EEF1AKMT3: variants seen among roughly 807,000 people sequenced by gnomAD.
EEF1AKMT3 encodes EEF1A lysine methyltransferase 3, also known as eEF1A-KMT3.
A neutral mutation model predicts 17.8 loss-of-function variants in EEF1AKMT3; 17 were observed. That is an observed-to-expected ratio of 0.96 (90% CI 0.65 to 1.43). EEF1AKMT3 has a LOEUF of 1.43. Among genes scored for constraint, EEF1AKMT3 ranks in the 40% most tolerant of loss-of-function variants. The pLI is 0.00. For synonymous variants in EEF1AKMT3, 116 were observed against 126.5 expected, an observed-to-expected ratio of 0.92 and a Z score of 0.56; for missense variants, 244 against 285.8, an observed-to-expected ratio of 0.85 and a Z score of 1.06.
Position 57,780,500 on chromosome 12 carries a change from G to C in EEF1AKMT3, c.535G>C (p.Ala179Pro). ...CAGGCCCCATGGCACCATCTATCTG[G>C]CCTCCAAGATGAGAAAGGAGCATGG... ...LCRPHGTIYLASKMRKEHGTE... is the reference protein window; with the variant it reads ...LCRPHGTIYLPSKMRKEHGTE... The change falls in exon 3 of 3, where the codon GCC becomes CCC. Residue 179 changes from alanine to proline, a missense_variant. Physicochemically the swap from Ala to Pro is conservative, Grantham distance 27. Coordinates refer to ENST00000300209, the MANE Select transcript of EEF1AKMT3 (RefSeq NM_015433.3). The C allele has an allele frequency of 6.2e-7, 1 of 1,614,152 alleles. No individual in the cohort carries two copies. Among genetic ancestry groups the C allele is most frequent in the Non-Finnish European group, 8.5e-7 (1 of 1,180,026 alleles).
At position 57,780,406 on chromosome 12, in the gene EEF1AKMT3, G is replaced by A; in HGVS notation, c.441G>A (p.Val147=). 1 of 1,614,210 alleles carries A rather than the reference G, an allele frequency of 6.2e-7. No individual in the cohort carries two copies. The highest frequency in any genetic ancestry group is 1.1e-5 in the South Asian group (1 of 91,084). The change falls in exon 3 of 3, where the codon GTG becomes GTA. Residue 147 remains valine, a synonymous_variant. Coordinates refer to ENST00000300209, the MANE Select transcript of EEF1AKMT3 (RefSeq NM_015433.3). ...HHVFPANYDL[V]LGADIVYLEP... is the part of the protein sequence containing the mutation. ...TCTTCCCTGCAAACTATGACCTGGT[G>A]CTGGGGGCTGATATCGTGTACCTGG...
rs951644877 is a variant in EEF1AKMT3 at position 57,781,309 on chromosome 12, C to T, written c.*663C>T. On this transcript the variant is annotated 3_prime_UTR_variant, in exon 3 of 3. Transcript: ENST00000300209. Reference sequence around the variant, plus strand: ...TCCTGGGCTCAAGTGATCCACCCGCCTTGCCTCCCAAAGTGCTGGGATTGC... The same window carrying T: ...TCCTGGGCTCAAGTGATCCACCCGCTTTGCCTCCCAAAGTGCTGGGATTGC... 6.6e-6 allele frequency: 1 copy of T among 152,200 alleles called. No individual in the cohort carries two copies. The highest frequency in any genetic ancestry group is 1.9e-4 in the East Asian group (1 of 5,192). The allele number at this position is 152,200 out of a possible 1,614,324, so 9.4% of individuals were successfully genotyped here. A position where few individuals can be genotyped will look rare whatever the true frequency, so the allele number is the denominator to read the frequency against.
intron 2 of EEF1AKMT3, among the ~76,000 whole-genome samples, chr12:57,773,402 A>G (rs1955458307): frequency 6.9e-6 from 1 of 145,006 alleles, no homozygotes; most frequent in African/African-American, 2.5e-5. Context: ...AGTTGTTTCT[A>G]TCGTGTTGCT....
In EEF1AKMT3 at chr12:57,780,740, A is replaced by C; in HGVS notation, c.*94A>C. 3 of 1,502,602 alleles carry C rather than the reference A, an allele frequency of 2.0e-6. No homozygotes were observed. The highest frequency in any genetic ancestry group is 2.7e-6 in the Non-Finnish European group (3 of 1,116,692). The allele number at this position is 1,502,602 out of a possible 1,614,324, so 93.1% of individuals were successfully genotyped here. ...TCCAGAGCCACAAACATGAGGACCA[A>C]AAAGGATGGATTTCCCTGGCCTCTC... On this transcript the variant is annotated 3_prime_UTR_variant, in exon 3 of 3. Transcript: ENST00000300209.
intron 2 of EEF1AKMT3, among the ~76,000 whole-genome samples, chr12:57,778,019 C>CA (rs35823549): frequency 0.15 from 12,747 of 85,140 alleles, 900 homozygotes; most frequent in Middle Eastern, 0.3. Flanking sequence ...GACTCCATCT[C>CA]AAAAAAAAAA....
intron 2 of EEF1AKMT3, among the ~76,000 whole-genome samples, chr12:57,776,123 G>A (rs1407930969): frequency 6.6e-6 from 1 of 152,090 alleles, no homozygotes; most frequent in Non-Finnish European, 1.5e-5. Flanking sequence ...AAATCTTTCA[G>A]TGGCCTCTTG....
chr12:57,774,763 G>C, intron 2 of EEF1AKMT3: 1 of 1,607,788 alleles, frequency 6.2e-7, no homozygotes, highest in Non-Finnish European at 8.5e-7. Flanking sequence ...GGGAAGCTCT[G>C]TCAGGTGAGG....
chr12:57,779,443 A>AT (rs1955498688), intron 2 of EEF1AKMT3, among the ~76,000 whole-genome samples: 1 of 152,162 alleles, frequency 6.6e-6, no homozygotes, highest in African/African-American at 2.4e-5. Context: ...CACATAATAA[A>AT]TATGAATGAA....
At chr12:57,776,557 T>C (rs1380977657) in intron 2 of EEF1AKMT3, among the ~76,000 whole-genome samples, 1 of 152,222 alleles carries the variant, frequency 6.6e-6, no homozygotes, top group Non-Finnish European at 1.5e-5. Flanking sequence ...TGAACAACTG[T>C]TTCTTACCTT....
intron 2 of EEF1AKMT3, among the ~76,000 whole-genome samples, chr12:57,778,583 A>T (rs1955494584): frequency 6.6e-6 from 1 of 152,190 alleles, no homozygotes; most frequent in Admixed American, 6.5e-5. Flanking sequence ...AAGGGATTAC[A>T]GGCGTGAGCC....
At position 57,782,031 on chromosome 12, in the gene EEF1AKMT3, C is replaced by G. The variant is rs1389979313; in HGVS notation, c.*1385C>G. 2.0e-5 allele frequency: 3 copies of G among 152,218 alleles called. No homozygotes were observed. The highest frequency in any genetic ancestry group is 7.2e-5 in the African/African-American group (3 of 41,458). 9.4% of individuals were successfully genotyped at this position (152,218 alleles called of 1,614,324 possible). ...GTGTATTGGACCTCTGGCCAAATTA[C>G]AAAAGATGTACTCTTTGTTCTCTAA... On this transcript the variant is annotated 3_prime_UTR_variant, in exon 3 of 3. Coordinates refer to ENST00000300209, the MANE Select transcript of EEF1AKMT3 (RefSeq NM_015433.3).
At chr12:57,775,994 A>G (rs1268494309) in intron 2 of EEF1AKMT3, among the ~76,000 whole-genome samples, 1 of 152,190 alleles carries the variant, frequency 6.6e-6, no homozygotes, top group African/African-American at 2.4e-5. Flanking sequence ...CTGGACTACT[A>G]CAACAGCCAC....
Position 57,772,826 on chromosome 12 carries a change from T to C in EEF1AKMT3, c.102T>C (p.Cys34=), listed in dbSNP as rs531988202. The C allele has an allele frequency of 7.2e-5, 116 of 1,614,176 alleles. No homozygotes were observed. The South Asian group carries it at 1.0e-3, about 14-fold the overall frequency. The change falls in exon 1 of 3, where the codon TGT becomes TGC. Residue 34 remains cysteine, a synonymous_variant. Coordinates refer to ENST00000300209, the MANE Select transcript of EEF1AKMT3 (RefSeq NM_015433.3). The surrounding 1 kb of genome is among the most constrained non-coding windows in gnomAD (Gnocchi z 4.1). ...ADSYSEKSQF[C]FCGHVLTITQ... ...CTTACTCGGAGAAGAGCCAGTTCTG[T>C]TTCTGTGGGCATGTGCTGACCATCA...
chr12:57,782,540 C>T lies in EEF1AKMT3; in HGVS notation c.*1894C>T. Reference sequence around the variant, plus strand: ...GAAAATAAACATAAAATGTTACCCACATTTCTTGTGTTGTTGTTTTGTGAC... The same window carrying T: ...GAAAATAAACATAAAATGTTACCCATATTTCTTGTGTTGTTGTTTTGTGAC... On this transcript the variant is annotated 3_prime_UTR_variant, in exon 3 of 3. Transcript: ENST00000300209. 2 of 490,374 alleles carry T rather than the reference C, an allele frequency of 4.1e-6. No individual in the cohort carries two copies. The highest frequency in any genetic ancestry group is 3.6e-6 in the Non-Finnish European group (1 of 275,400). The allele number at this position is 490,374 out of a possible 1,614,324, so 30.4% of individuals were successfully genotyped here. A position where few individuals can be genotyped will look rare whatever the true frequency, so the allele number is the denominator to read the frequency against.
chr12:57,773,466 G>A (rs1350210112), intron 2 of EEF1AKMT3, among the ~76,000 whole-genome samples: 3 of 151,220 alleles, frequency 2.0e-5, no homozygotes, highest in Admixed American at 6.6e-5. Context: ...TCACTGTGTC[G>A]CCCAGGCTGG....
At position 57,772,718 on chromosome 12, in the gene EEF1AKMT3, G is replaced by A. The variant is rs371749908; in HGVS notation, c.-7G>A. The A allele has an allele frequency of 3.7e-6, 6 of 1,610,824 alleles. No individual in the cohort carries two copies. The African/African-American group carries it at 6.7e-5, about 18-fold the overall frequency. On this transcript the variant is annotated 5_prime_UTR_variant, in exon 1 of 3. Transcript: ENST00000300209. This position sits in a 1 kb window ranked among gnomAD's most constrained non-coding sequence, Gnocchi z 4.1. ...CGCGGTGCCCAGGCACTCCCTTGGC[G>A]GGCCGGATGGCGGACCCCGGCCCAG...
chr12:57,780,398 G>T lies in EEF1AKMT3; in HGVS notation c.433G>T (p.Asp145Tyr). The T allele has an allele frequency of 6.2e-7, 1 of 1,614,180 alleles. No homozygotes were observed. The highest frequency in any genetic ancestry group is 1.1e-5 in the South Asian group (1 of 91,082). ...CCATCATGTCTTCCCTGCAAACTATGACCTGGTGCTGGGGGCTGATATCGT... is the reference window on the plus strand; with the variant it reads ...CCATCATGTCTTCCCTGCAAACTATTACCTGGTGCTGGGGGCTGATATCGT... ...IDHHVFPANYDLVLGADIVYL... is the reference protein window; with the variant it reads ...IDHHVFPANYYLVLGADIVYL... Residue 145 changes from aspartate (D) to tyrosine (Y), a missense_variant, in exon 3 of 3, where the codon GAC becomes TAC. Transcript: ENST00000300209.
chr12:57,776,700 G>C (rs1221575094), intron 2 of EEF1AKMT3, among the ~76,000 whole-genome samples: 1 of 151,826 alleles, frequency 6.6e-6, no homozygotes, highest in Non-Finnish European at 1.5e-5. Flanking sequence ...GCCCAGGCTG[G>C]ACTGCAGTAG....
Position 57,780,304 on chromosome 12 carries a change from G to A in EEF1AKMT3, c.339G>A (p.Gln113=). 6.2e-7 allele frequency: 1 copy of A among 1,614,122 alleles called. No homozygotes were observed. The highest frequency in any genetic ancestry group is 1.1e-5 in the South Asian group (1 of 91,080). ...TGCCCCTGGCCCTAGAACAGATCCA[G>A]GGCAACGTCCAGGCCAATGTGCCAG... The part of the protein sequence containing the change: ...TDLPLALEQI[Q]GNVQANVPAG... The change falls in exon 3 of 3, where the codon CAG becomes CAA. Residue 113 remains glutamine, a synonymous_variant. Transcript: ENST00000300209.
Sources: allele counts gnomAD v4.1 joint callset (sites outside exome capture counted in the v4.1 genomes callset), GRCh38; gene constraint gnomAD v4.1.1; non-coding constraint Gnocchi (gnomAD v3.1); transcripts MANE v1.5; gene names NCBI Gene and HGNC (gene_info 2026-07-23, HGNC 2026-07-21).